ROBO2: variants seen among roughly 807,000 people sequenced by gnomAD.
ROBO2 encodes roundabout guidance receptor 2.
Under a neutral mutation model 160.8 loss-of-function variants are expected in ROBO2, and 53 were observed. That is an observed-to-expected ratio of 0.33 (90% CI 0.26 to 0.41). The LOEUF is 0.41. Among genes scored for constraint, ROBO2 ranks in the 10% least tolerant of loss-of-function variants. The pLI is 1.00. For synonymous variants in ROBO2, 664 were observed against 611.7 expected, an observed-to-expected ratio of 1.09 and a Z score of -1.26; for missense variants, 1,577 against 1,722.4, an observed-to-expected ratio of 0.92 and a Z score of 1.49.
intron 2 of ROBO2, among the ~76,000 whole-genome samples, chr3:77,391,160 G>T (rs1473627341): frequency 6.6e-6 from 1 of 151,980 alleles, no homozygotes; most frequent in Non-Finnish European, 1.5e-5. Context: ...ACAATGCCAA[G>T]TATTGTACAA....
chr3:77,360,141 A>ATTAT (rs2069722027), intron 2 of ROBO2, among the ~76,000 whole-genome samples: 1 of 152,076 alleles, frequency 6.6e-6, no homozygotes, highest in East Asian at 1.9e-4. Flanking sequence ...CAAGGGCCTG[A>ATTAT]CCACTTCTTT....
At chr3:76,759,601 G>A (rs1286050033) in intron 2 of ROBO2, among the ~76,000 whole-genome samples, 1 of 151,710 alleles carries the variant, frequency 6.6e-6, no homozygotes, top group African/African-American at 2.4e-5. Flanking sequence ...AAACATGAAA[G>A]GGATCAAGTA....
At chr3:76,018,032 T>C (rs1269049174) in intron 2 of ROBO2, among the ~76,000 whole-genome samples, 1 of 152,104 alleles carries the variant, frequency 6.6e-6, no homozygotes, top group South Asian at 2.1e-4. Context: ...TTGTGTTTTC[T>C]CTTTAGGGTA....
chr3:77,285,218 G>T (rs182875412), intron 2 of ROBO2, among the ~76,000 whole-genome samples: 28 of 152,150 alleles, frequency 1.8e-4, no homozygotes, highest in African/African-American at 6.5e-4. Flanking sequence ...ATAGGTTACA[G>T]GGCTATGTTC....
At chr3:77,627,248 TG>T (rs2095047543) in intron 23 of ROBO2, among the ~76,000 whole-genome samples, 5 of 152,138 alleles carry the variant, frequency 3.3e-5, no homozygotes, top group African/African-American at 1.2e-4. Context: ...TTGCTTATTT[TG>T]CTTTCCATAT....
intron 2 of ROBO2, among the ~76,000 whole-genome samples, chr3:77,168,624 T>C (rs939446733): frequency 6.6e-6 from 1 of 152,198 alleles, no homozygotes. Flanking sequence ...GTTATACCTA[T>C]AGAGCAGATA....
intron 2 of ROBO2, among the ~76,000 whole-genome samples, chr3:76,416,028 T>C (rs1386546113): frequency 2.0e-5 from 3 of 152,176 alleles, no homozygotes; most frequent in Non-Finnish European, 4.4e-5. Context: ...CAGGAGCTGA[T>C]CCGTGAACTT....
chr3:76,258,183 A>C (rs991298788), intron 2 of ROBO2, among the ~76,000 whole-genome samples: 4 of 151,734 alleles, frequency 2.6e-5, no homozygotes, highest in African/African-American at 9.7e-5. Context: ...AAGTTTCTCC[A>C]TTTTATGGTG....
intron 2 of ROBO2, among the ~76,000 whole-genome samples, chr3:76,883,234 A>C (rs1424810711): frequency 6.6e-6 from 1 of 152,166 alleles, no homozygotes; most frequent in Non-Finnish European, 1.5e-5. Flanking sequence ...ATTCTTGTAT[A>C]TTCTTTTAAA....
chr3:76,236,884 G>T (rs1392515865), intron 2 of ROBO2, among the ~76,000 whole-genome samples: 1 of 151,124 alleles, frequency 6.6e-6, no homozygotes, highest in African/African-American at 2.4e-5. Context: ...GTAACATCTG[G>T]TAGGGAAAAT....
chr3:76,104,133 A>T (rs1428433610), intron 2 of ROBO2, among the ~76,000 whole-genome samples: 3 of 152,228 alleles, frequency 2.0e-5, no homozygotes, highest in Non-Finnish European at 4.4e-5. Context: ...TAGAAAACAA[A>T]TCTGGAGAAA....
chr3:77,579,151 A>ACAT (rs2093847053), intron 15 of ROBO2, among the ~76,000 whole-genome samples: 2 of 152,142 alleles, frequency 1.3e-5, no homozygotes, highest in Non-Finnish European at 2.9e-5. Context: ...TAATATGAAT[A>ACAT]CAAATGTGGA....
chr3:77,226,721 T>C (rs1175611439), intron 2 of ROBO2, among the ~76,000 whole-genome samples: 2 of 152,160 alleles, frequency 1.3e-5, no homozygotes, highest in South Asian at 2.1e-4. Flanking sequence ...ATCTTAAACA[T>C]GCTCAGAACA....
chr3:77,568,582 T>A, intron 13 of ROBO2, 148 bp downstream of exon 14: 1 of 922,646 alleles, frequency 1.1e-6, no homozygotes, highest in Non-Finnish European at 1.7e-6. Flanking sequence ...AATCAACAAA[T>A]TAAAAAGTTA....
chr3:76,536,641 C>T (rs1423532722), intron 2 of ROBO2, among the ~76,000 whole-genome samples: 1 of 152,020 alleles, frequency 6.6e-6, no homozygotes, highest in Non-Finnish European at 1.5e-5. Context: ...GGGGAACTGC[C>T]CTGGTGCCTT....
chr3:77,492,126 A>G lies in ROBO2; in HGVS notation c.668-1118A>G, dbSNP rs1226530145. Among the ~76,000 whole-genome samples, 4 of 152,320 alleles carry G rather than the reference A, an allele frequency of 2.6e-5. No homozygotes were observed. The East Asian group carries it at 7.7e-4, about 29-fold the overall frequency. Reference sequence around the variant, plus strand: ...AAACTCAAGTTCTAAGTGGCTAAATATGTCCAGATGGCCAGAAAAATTGTG... The same window carrying G: ...AAACTCAAGTTCTAAGTGGCTAAATGTGTCCAGATGGCCAGAAAAATTGTG... On this transcript the variant is annotated intron_variant, in intron 4 of 25. Transcript: ENST00000461745.
chr3:76,885,581 G>T (rs935777023), intron 2 of ROBO2, among the ~76,000 whole-genome samples: 1 of 152,068 alleles, frequency 6.6e-6, no homozygotes, highest in East Asian at 1.9e-4. Context: ...GTTCACACAC[G>T]TGTACATGCA....
At chr3:76,977,712 T>C (rs1313337609) in intron 2 of ROBO2, among the ~76,000 whole-genome samples, 1 of 152,194 alleles carries the variant, frequency 6.6e-6, no homozygotes, top group Non-Finnish European at 1.5e-5. Context: ...CAACACCTTC[T>C]GCATTGCTGA....
chr3:75,924,681 CT>C (rs60599175), intron 1 of ROBO2, among the ~76,000 whole-genome samples: 19 of 66,018 alleles, frequency 2.9e-4, no homozygotes, highest in Non-Finnish European at 4.4e-4. Flanking sequence ...ATTTTCTTTT[CT>C]TTTTTTTTTT....
Sources: allele counts gnomAD v4.1 joint callset (sites outside exome capture counted in the v4.1 genomes callset), GRCh38; gene constraint gnomAD v4.1.1; transcripts MANE v1.5; gene names NCBI Gene and HGNC (gene_info 2026-07-23, HGNC 2026-07-21).